The following RELL1 variants were observed in gnomAD, a reference collection of about 807,000 sequenced individuals.
RELL1 encodes RELT-like protein 1.
In RELL1, 10 loss-of-function variants were observed where a neutral mutation model predicts 23.0. That is an observed-to-expected ratio of 0.43 (90% confidence interval 0.27 to 0.74). The LOEUF (loss-of-function observed/expected upper bound fraction) is 0.74, where lower values mean the gene tolerates loss of function less well. Ranked by LOEUF, RELL1 falls within the 30% of genes least tolerant of loss-of-function variation. The pLI is 0.19. For missense variants in RELL1, 315 were observed against 364.4 expected (o/e 0.86, Z 1.10); for synonymous variants, 146 against 146.8 (o/e 0.99, Z 0.04).
At chr4:37,681,179 C>G (rs2109318411) in intron 1 of RELL1, among the ~76,000 whole-genome samples, 1 of 152,318 alleles carries the variant, frequency 6.6e-6, no homozygotes, top group African/African-American at 2.4e-5. Context: ...AGGTGTCACT[C>G]TGGGCTTTTT....
At chr4:37,638,114 C>T (rs1432396084) in intron 4 of RELL1, among the ~76,000 whole-genome samples, 2 of 152,230 alleles carry the variant, frequency 1.3e-5, no homozygotes, top group Admixed American at 6.5e-5. Flanking sequence ...CTTCCTTCTT[C>T]CCATCACTAT....
At chr4:37,628,526 A>C (rs1157790919) in intron 6 of RELL1, among the ~76,000 whole-genome samples, 1 of 152,192 alleles carries the variant, frequency 6.6e-6, no homozygotes, top group African/African-American at 2.4e-5. Context: ...TTGAGTTTAA[A>C]ATTTTTCATA....
intron 1 of RELL1, among the ~76,000 whole-genome samples, chr4:37,661,265 T>TTATGTTTG: frequency 7.7e-6 from 1 of 129,088 alleles, no homozygotes; most frequent in South Asian, 2.7e-4. Context: ...TTTAAGTTAA[T>TTATGTTTG]TCTGTTTGTT....
At position 37,632,125 on chromosome 4, in the gene RELL1, A is replaced by C. The variant is rs115448306; in HGVS notation, c.681-602T>G. ...AAAAAAAAAACACCTCAGAGACTCG[A>C]ATATTAAACAGCGTCAGAGTTGTCG... On this transcript the variant is annotated intron_variant, in intron 5 of 6. Transcript: ENST00000454158. Among the ~76,000 whole-genome samples the C allele has an allele frequency of 3.3e-3, 483 of 145,720 alleles. 4 individuals carry two copies. The highest frequency in any genetic ancestry group is 0.012 in the African/African-American group (462 of 39,462).
At chr4:37,597,199 C>T (rs1718886866) in intron 6 of RELL1, among the ~76,000 whole-genome samples, 1 of 152,144 alleles carries the variant, frequency 6.6e-6, no homozygotes, top group African/African-American at 2.4e-5. Context: ...TCCTAGGAGA[C>T]TTCTGTATTT....
chr4:37,597,700 T>G (rs1718900356), intron 6 of RELL1, among the ~76,000 whole-genome samples: 1 of 152,208 alleles, frequency 6.6e-6, no homozygotes, highest in African/African-American at 2.4e-5. Context: ...AAGGTTTTCA[T>G]GGCATCAGCC....
At chr4:37,650,511 C>A (rs1224407786) in intron 1 of RELL1, among the ~76,000 whole-genome samples, 1 of 151,968 alleles carries the variant, frequency 6.6e-6, no homozygotes, top group African/African-American at 2.4e-5. Context: ...ACGGGCAGAT[C>A]GTGACAGATT....
chr4:37,629,784 G>A (rs147516326), intron 6 of RELL1, among the ~76,000 whole-genome samples: 2 of 152,220 alleles, frequency 1.3e-5, no homozygotes, highest in East Asian at 1.9e-4. Context: ...CTCTGAGCCC[G>A]GCAGATTATC....
At chr4:37,597,084 A>G (rs948840593) in intron 6 of RELL1, among the ~76,000 whole-genome samples, 16 of 151,634 alleles carry the variant, frequency 1.1e-4, no homozygotes, top group East Asian at 1.9e-4. Context: ...GAGCATACAC[A>G]TGAGTGTGGA....
At chr4:37,647,505 T>G in intron 2 of RELL1, 66 bp from the exon 3 acceptor site, 1 of 1,117,430 alleles carries the variant, frequency 8.9e-7, no homozygotes, top group East Asian at 2.4e-5. Context: ...CAATCAATCT[T>G]AGAACCCAAG....
chr4:37,619,045 A>T (rs1443393183), intron 6 of RELL1, among the ~76,000 whole-genome samples: 1 of 150,772 alleles, frequency 6.6e-6, no homozygotes, highest in Non-Finnish European at 1.5e-5. Context: ...ACCCCCAGCT[A>T]TTTTTGTATT....
chr4:37,649,427 TC>T lies in RELL1; in HGVS notation c.161del (p.Gly54AspfsTer51). On this transcript the variant is annotated frameshift_variant, in exon 2 of 7. Transcript: ENST00000454158. LOFTEE classifies it high-confidence loss of function. ...GCGCGTATGCAATATATTCTGGGTG[TC>T]CATTCCCAGTATCGTTGCTGGGCGA... is the stretch of plus-strand genomic sequence containing the variant. ...TPSPSNDTGN[G>X]HPEYIAYALV... 6.2e-7 allele frequency: 1 copy of T among 1,614,256 alleles called. No homozygotes were observed. The highest frequency in any genetic ancestry group is 2.2e-5 in the East Asian group (1 of 44,890).
intron 6 of RELL1, among the ~76,000 whole-genome samples, chr4:37,625,745 G>A (rs1260380211): frequency 6.6e-6 from 1 of 152,114 alleles, no homozygotes; most frequent in Non-Finnish European, 1.5e-5. Context: ...AAAATGCTAA[G>A]AGAGATTTTA....
At chr4:37,649,599 C>T in intron 1 of RELL1, 99 bp from the exon 2 acceptor site, 3 of 1,078,958 alleles carry the variant, frequency 2.8e-6, no homozygotes, top group South Asian at 1.5e-5. Flanking sequence ...GGGTCTGCTC[C>T]CGAAACCACA....
intron 1 of RELL1, among the ~76,000 whole-genome samples, chr4:37,657,635 C>T (rs17577767): frequency 0.054 from 8,144 of 152,158 alleles, 461 homozygotes; most frequent in East Asian, 0.15. Context: ...GCTTCTGTTG[C>T]CTTTTAACAT....
chr4:37,640,426 GA>G (rs1240287527), intron 3 of RELL1, among the ~76,000 whole-genome samples: 1 of 152,168 alleles, frequency 6.6e-6, no homozygotes, highest in African/African-American at 2.4e-5. Flanking sequence ...TGAGGATTCA[GA>G]AAAATAATGT....
intron 6 of RELL1, among the ~76,000 whole-genome samples, chr4:37,624,483 G>A (rs1719874298): frequency 6.9e-6 from 1 of 145,692 alleles, no homozygotes; most frequent in Non-Finnish European, 1.5e-5. Context: ...GCAGTGCAGT[G>A]TGCAATCTCG....
chr4:37,603,317 T>C (rs988362681), intron 6 of RELL1, among the ~76,000 whole-genome samples: 2 of 152,096 alleles, frequency 1.3e-5, no homozygotes, highest in African/African-American at 4.8e-5. Flanking sequence ...AGCTGTCCTT[T>C]AGGTGTTTAG....
At chr4:37,649,034 G>A (rs1035977929) in intron 2 of RELL1, among the ~76,000 whole-genome samples, 4 of 152,200 alleles carry the variant, frequency 2.6e-5, no homozygotes, top group South Asian at 2.1e-4. Flanking sequence ...GAGATTCAGA[G>A]CACACAATAA....
Sources: gnomAD v4.1 joint callset for allele counts (sites outside exome capture counted in the v4.1 genomes callset) on GRCh38, gnomAD v4.1.1 for gene constraint, MANE v1.5 for transcripts, NCBI Gene and HGNC (gene_info 2026-07-23, HGNC 2026-07-21) for gene names.